Variants in ATRX observed in about 807,000 individuals in gnomAD.
ATRX encodes the protein chromatin remodeler ATRX.
ATRX carries 12 observed loss-of-function variants against 172.6 expected under a neutral mutation model. The observed-to-expected ratio is 0.07, with a 90% CI of 0.04 to 0.11. The LOEUF (loss-of-function observed/expected upper bound fraction) is 0.11. Among genes scored for constraint, ATRX ranks in the 10% least tolerant of loss-of-function variants. The pLI, the probability that ATRX is intolerant of heterozygous loss-of-function variation, is 1.00. For missense variants in ATRX, 1,368 were observed against 1,767.4 expected (o/e 0.77, Z 4.05); for synonymous variants, 674 against 594.7 (o/e 1.13, Z -1.94).
intron 1 of ATRX, among the ~76,000 whole-genome samples, chrX:77,755,127 G>A (rs1023756692): frequency 8.9e-6 from 1 of 112,404 alleles, no homozygotes; most frequent in African/African-American, 3.2e-5. Context: ...TCAGCGATTT[G>A]ACTATTGATA....
chrX:77,544,505 G>A (rs950537502), intron 30 of ATRX, among the ~76,000 whole-genome samples: 2 of 109,259 alleles, frequency 1.8e-5, no homozygotes, highest in African/African-American at 6.7e-5. Context: ...CCATGCTGGT[G>A]CGCTGCACCC....
intron 22 of ATRX, among the ~76,000 whole-genome samples, chrX:77,613,295 T>C (rs1289458457): frequency 1.8e-5 from 2 of 110,432 alleles, no homozygotes; most frequent in African/African-American, 6.6e-5. Flanking sequence ...ACAATGGGTG[T>C]GAAATGGTAT....
At chrX:77,664,536 C>A in intron 11 of ATRX, 109 bp downstream of exon 11, 1 of 1,056,846 alleles carries the variant, frequency 9.5e-7, no homozygotes, top group Non-Finnish European at 1.3e-6. Flanking sequence ...TAGGCGTGAG[C>A]CACCACGCCG....
chrX:77,785,583 T>TC (rs1440384232), intron 1 of ATRX, among the ~76,000 whole-genome samples: 25 of 16,007 alleles, frequency 1.6e-3, no homozygotes, highest in Non-Finnish European at 5.0e-4. Context: ...CTTCTCACCC[T>TC]CCCCCCGCTT....
intron 32 of ATRX, 87 bp downstream of exon 32, chrX:77,522,176 A>G (rs891751022): frequency 6.2e-5 from 70 of 1,120,238 alleles, no homozygotes; most frequent in Admixed American, 1.3e-4. Context: ...GGAGAATGTG[A>G]TATTTCTGCA....
chrX:77,586,051 G>C (rs2066007315), intron 27 of ATRX, among the ~76,000 whole-genome samples: 1 of 111,498 alleles, frequency 9.0e-6, no homozygotes, highest in Non-Finnish European at 1.9e-5. Flanking sequence ...TATATAGTTG[G>C]AATGAATAAA....
At chrX:77,563,063 T>G (rs977110320) in intron 28 of ATRX, among the ~76,000 whole-genome samples, 4 of 112,613 alleles carry the variant, frequency 3.6e-5, no homozygotes, top group Admixed American at 9.4e-5. Flanking sequence ...TTCCTTTCCC[T>G]AAGAGTCTTT....
intron 2 of ATRX, among the ~76,000 whole-genome samples, chrX:77,716,684 A>G (rs2073449055): frequency 9.0e-6 from 1 of 111,056 alleles, no homozygotes; most frequent in African/African-American, 3.3e-5. Flanking sequence ...CGGAAGTTGC[A>G]GTGAGCCAAG....
chrX:77,690,865 C>A (rs1450537832), intron 6 of ATRX: 2 of 111,865 alleles, frequency 1.8e-5, no homozygotes, highest in Non-Finnish European at 3.8e-5. Context: ...CTAGGTAATT[C>A]TTTGGAGATT....
Position 77,681,426 on chromosome X carries a change from C to A in ATRX, c.3736+94G>T. 3.3e-6 allele frequency: 3 copies of A among 898,250 alleles called. No homozygotes were observed. In the South Asian group the frequency reaches 6.3e-5, roughly 19 times the overall value. The allele number at this position is 898,250 out of a possible 1,213,427, so 74.0% of individuals were successfully genotyped here. A position where few individuals can be genotyped will look rare whatever the true frequency, so the allele number is the denominator to read the frequency against. ...TAAGTGGTATTCTCCTAAGTAGTAA[C>A]CCTAAATTTGATTAGCTTCAGAGGA... On this transcript the variant is annotated intron_variant, in intron 9 of 34. Coordinates refer to ENST00000373344, the MANE Select transcript of ATRX (RefSeq NM_000489.6).
Position 77,683,579 on chromosome X carries a change from T to A in ATRX, c.1677A>T (p.Ser559=), listed in dbSNP as rs782560764. The part of the protein sequence containing the change: ...SSGTEQEVES[S]SVKLNISSKD... ...TTGAAGAAATATTTAATTTTACAGA[T>A]GAACTCTCCACTTCTTGTTCAGTTC... Residue 559 remains serine, a synonymous_variant, in exon 9 of 35, where the codon TCA becomes TCT. Transcript: ENST00000373344. 8.3e-7 allele frequency: 1 copy of A among 1,211,194 alleles called. No individual in the cohort carries two copies. The highest frequency in any genetic ancestry group is 1.1e-6 in the Non-Finnish European group (1 of 895,069).
At chrX:77,543,655 G>A (rs1246560631) in intron 30 of ATRX, among the ~76,000 whole-genome samples, 15 of 111,492 alleles carry the variant, frequency 1.3e-4, no homozygotes, top group African/African-American at 4.9e-4. Context: ...CATGTCCTTT[G>A]CAGGGACATG....
At chrX:77,509,069 T>C (rs1268034179) in intron 34 of ATRX, among the ~76,000 whole-genome samples, 2 of 111,894 alleles carry the variant, frequency 1.8e-5, no homozygotes, top group Admixed American at 9.5e-5. Context: ...TGTACTAATA[T>C]ATTGTAAAAC....
chrX:77,644,027 C>T (rs1224940873), intron 15 of ATRX, among the ~76,000 whole-genome samples: 2 of 111,666 alleles, frequency 1.8e-5, no homozygotes, highest in Admixed American at 1.9e-4. Context: ...GCAACCTCTG[C>T]CTCCCGGGTT....
chrX:77,690,300 T>G (rs1220203652), intron 6 of ATRX, among the ~76,000 whole-genome samples: 1 of 111,498 alleles, frequency 9.0e-6, no homozygotes, highest in Non-Finnish European at 1.9e-5. Flanking sequence ...ACTCCTGGGC[T>G]CAAGCAATCT....
chrX:77,555,370 G>A (rs1209920566), intron 30 of ATRX, among the ~76,000 whole-genome samples: 2 of 111,445 alleles, frequency 1.8e-5, no homozygotes, highest in Non-Finnish European at 3.8e-5. Context: ...ATACCCAAAG[G>A]ATTATAAATC....
Position 77,751,305 on chromosome X carries a change from T to G in ATRX, c.21-34062A>C, listed in dbSNP as rs984852999. Among the ~76,000 whole-genome samples the G allele has an allele frequency of 7.1e-5, 8 of 112,721 alleles. No individual in the cohort carries two copies. The Admixed American group carries it at 7.5e-4, about 11-fold the overall frequency. The stretch of plus-strand genomic sequence containing the variant: ...AGTGATGATGAGCTTTTTTTCACAT[T>G]TGTTGGCCACATAAATGTCTTCTTT... On this transcript the variant is annotated intron_variant, in intron 1 of 34. Coordinates refer to ENST00000373344, the MANE Select transcript of ATRX (RefSeq NM_000489.6).
At chrX:77,522,856 A>C (rs188224851) in intron 31 of ATRX, among the ~76,000 whole-genome samples, 12 of 111,973 alleles carry the variant, frequency 1.1e-4, no homozygotes, top group Non-Finnish European at 3.8e-5. Flanking sequence ...TCTGATATTC[A>C]GCCAAAATTT....
intron 19 of ATRX, among the ~76,000 whole-genome samples, chrX:77,626,276 A>G (rs1177844392): frequency 9.4e-6 from 1 of 106,426 alleles, no homozygotes; most frequent in Admixed American, 1.0e-4. Context: ...GACTTTGGGG[A>G]CTTTGGGGTA....
Sources: gnomAD v4.1 joint callset for allele counts (sites outside exome capture counted in the v4.1 genomes callset) on GRCh38, gnomAD v4.1.1 for gene constraint, MANE v1.5 for transcripts, NCBI Gene and HGNC (gene_info 2026-07-23, HGNC 2026-07-21) for gene names.